The following TMED8 variants were observed in gnomAD, a reference collection of about 807,000 sequenced individuals.
TMED8 encodes protein TMED8.
In TMED8, 15 loss-of-function variants were observed where a neutral mutation model predicts 32.7. The ratio of observed to expected loss-of-function variants is 0.46; its 90% CI spans 0.31 to 0.71. The LOEUF (loss-of-function observed/expected upper bound fraction) is 0.71. Among genes scored for constraint, TMED8 ranks in the 30% least tolerant of loss-of-function variants. The pLI, the probability that TMED8 is intolerant of heterozygous loss-of-function variation, is 0.06. For missense variants in TMED8, 390 were observed against 423.9 expected, an observed-to-expected ratio of 0.92 and a Z score of 0.70; for synonymous variants, 147 against 161.4, an observed-to-expected ratio of 0.91 and a Z score of 0.68.
At chr14:77,364,711 C>CT (rs1893512020) in intron 1 of TMED8, among the ~76,000 whole-genome samples, 2 of 152,166 alleles carry the variant, frequency 1.3e-5, no homozygotes, top group South Asian at 2.1e-4. Flanking sequence ...TTATTTAAGC[C>CT]TTTTTTTACT....
chr14:77,342,015 C>T (rs1463712902), intron 5 of TMED8, 27 bp from the exon 6 acceptor site: 1 of 1,607,634 alleles, frequency 6.2e-7, no homozygotes, highest in Non-Finnish European at 8.5e-7. Flanking sequence ...GCAAAGTGTT[C>T]AGAGACTGCG....
Position 77,336,442 on chromosome 14 carries a change from G to A in TMED8, c.*5329C>T, listed in dbSNP as rs1354439198. 6.6e-6 allele frequency: 1 copy of A among 152,124 alleles called. No homozygotes were observed. Among genetic ancestry groups the A allele is most frequent in the African/African-American group, 2.4e-5 (1 of 41,426 alleles). The allele number at this position is 152,124 out of a possible 1,614,324, so 9.4% of individuals were successfully genotyped here. A position where few individuals can be genotyped will look rare whatever the true frequency, so the allele number is the denominator to read the frequency against. ...GTGTGAGGCATGCCTATTTGTAAAT[G>A]AGCTCCACTATCATTGGTTTTAGGC... On this transcript the variant is annotated 3_prime_UTR_variant, in exon 6 of 6. Transcript: ENST00000216468.
intron 1 of TMED8, among the ~76,000 whole-genome samples, chr14:77,356,034 G>T (rs185880887): frequency 6.6e-6 from 1 of 152,128 alleles, no homozygotes; most frequent in Non-Finnish European, 1.5e-5. Context: ...GAAAAACAAG[G>T]GGACCTCTGA....
At chr14:77,370,166 C>T (rs1015990715) in intron 1 of TMED8, among the ~76,000 whole-genome samples, 1 of 80,942 alleles carries the variant, frequency 1.2e-5, no homozygotes, top group Admixed American at 1.1e-4. Context: ...AGCGAGACTC[C>T]GTTTCAAAAA....
intron 2 of TMED8, among the ~76,000 whole-genome samples, chr14:77,347,611 G>A (rs1000423278): frequency 7.2e-5 from 11 of 152,166 alleles, no homozygotes; most frequent in African/African-American, 2.4e-4. Flanking sequence ...CATGTTGTTG[G>A]TCAGGCTGGT....
intron 1 of TMED8, among the ~76,000 whole-genome samples, chr14:77,361,632 T>C (rs1297319973): frequency 6.6e-6 from 1 of 152,234 alleles, no homozygotes; most frequent in African/African-American, 2.4e-5. Context: ...GGGATTGTGT[T>C]AAATCTGCAT....
chr14:77,346,750 T>C (rs1222226540), intron 2 of TMED8, among the ~76,000 whole-genome samples: 2 of 138,952 alleles, frequency 1.4e-5, no homozygotes, highest in Non-Finnish European at 3.1e-5. Flanking sequence ...TGAGATGGAC[T>C]GCTGGTCTGG....
intron 1 of TMED8, among the ~76,000 whole-genome samples, chr14:77,366,422 C>G (rs890654580): frequency 2.0e-5 from 3 of 152,216 alleles, no homozygotes; most frequent in Non-Finnish European, 4.4e-5. Context: ...CAGAATTCAT[C>G]TAGTGGCAGC....
intron 1 of TMED8, among the ~76,000 whole-genome samples, chr14:77,368,666 A>C (rs772278467): frequency 2.0e-5 from 3 of 152,042 alleles, no homozygotes; most frequent in Non-Finnish European, 4.4e-5. Flanking sequence ...TAGTAGAGAC[A>C]GGGTTTCACC....
rs1412243657 is a variant in TMED8, at chr14:77,376,239, G to A, written c.118+697C>T. On this transcript the variant is annotated intron_variant, in intron 1 of 5. Coordinates refer to ENST00000216468, the MANE Select transcript of TMED8 (RefSeq NM_213601.3). This position sits in a 1 kb window ranked among gnomAD's most constrained non-coding sequence, Gnocchi z 4.0. ...TAGTAGAAATGGAGACGTCGTCCTG[G>A]ACAAGAAGAGGATGAGGGTCTTGAG... Among the ~76,000 whole-genome samples, 1 of 152,194 alleles carries A rather than the reference G, an allele frequency of 6.6e-6. No individual in the cohort carries two copies. Among genetic ancestry groups the A allele is most frequent in the Admixed American group, 6.5e-5 (1 of 15,280 alleles).
intron 1 of TMED8, among the ~76,000 whole-genome samples, chr14:77,355,745 C>T (rs373303395): frequency 6.6e-6 from 1 of 152,174 alleles, no homozygotes; most frequent in African/African-American, 2.4e-5. Flanking sequence ...GAACCTCCCC[C>T]CTCAACAGCC....
chr14:77,355,935 A>C (rs1221847984), intron 1 of TMED8, among the ~76,000 whole-genome samples: 2 of 152,208 alleles, frequency 1.3e-5, no homozygotes, highest in Non-Finnish European at 2.9e-5. Context: ...GCCTTTTGGG[A>C]GAAGCCTTCA....
intron 1 of TMED8, among the ~76,000 whole-genome samples, chr14:77,352,585 A>G (rs1239837204): frequency 6.6e-6 from 1 of 151,052 alleles, no homozygotes; most frequent in Non-Finnish European, 1.5e-5. Flanking sequence ...CTAAAAATAT[A>G]AAAATTAGCC....
intron 1 of TMED8, among the ~76,000 whole-genome samples, chr14:77,365,712 T>A: frequency 6.6e-6 from 1 of 152,194 alleles, no homozygotes; most frequent in East Asian, 1.9e-4. Flanking sequence ...CTGGAGAGAA[T>A]ATCCAAAGCA....
chr14:77,341,714 C>T lies in TMED8; in HGVS notation c.*57G>A. 6.4e-7 allele frequency: 1 copy of T among 1,572,796 alleles called. No individual in the cohort carries two copies. The highest frequency in any genetic ancestry group is 8.7e-7 in the Non-Finnish European group (1 of 1,144,214). On this transcript the variant is annotated 3_prime_UTR_variant, in exon 6 of 6. Coordinates refer to ENST00000216468, the MANE Select transcript of TMED8 (RefSeq NM_213601.3). ...TCTTGCCTATCCCAAACAAGAGGCA[C>T]CAGCTGGCAGCCTGCTTCAGCCAGC...
At chr14:77,373,332 A>T (rs1338649413) in intron 1 of TMED8, among the ~76,000 whole-genome samples, 2 of 151,954 alleles carry the variant, frequency 1.3e-5, no homozygotes, top group African/African-American at 4.8e-5. Context: ...AAACAAAAAA[A>T]CCTGCCTTTA....
At chr14:77,346,002 C>A (rs1002592540) in intron 3 of TMED8, among the ~76,000 whole-genome samples, 22 of 146,914 alleles carry the variant, frequency 1.5e-4, no homozygotes, top group Admixed American at 4.8e-4. Flanking sequence ...TCTGTGGAAT[C>A]TTTATCATAA....
rs370216168 is a variant in TMED8 at position 77,346,593 on chromosome 14, G to A, written c.198-115C>T. 2.6e-5 allele frequency: 36 copies of A among 1,361,656 alleles called. No individual in the cohort carries two copies. In the East Asian group the frequency reaches 8.1e-4, roughly 31 times the overall value. The allele number at this position is 1,361,656 out of a possible 1,614,324, so 84.3% of individuals were successfully genotyped here. On this transcript the variant is annotated intron_variant, in intron 2 of 5. Transcript: ENST00000216468. ...ATACCCCCTGCCCCACCTGCCCCTG[G>A]CATTTATTTAGCTCTACTGTCACCT...
Position 77,345,968 on chromosome 14 carries a change from C to CAA in TMED8, c.327+379_327+380dup, listed in dbSNP as rs370981070. On this transcript the variant is annotated intron_variant, in intron 3 of 5. Transcript: ENST00000216468. ...TGGGCGACAGAGGGAGACCCTGTCT[C>CAA]AAAAAAAAAAAAAAAAAAAAGCTTC... 0.011 allele frequency among the ~76,000 whole-genome samples: 867 copies of CAA among 76,278 alleles called. 68 individuals are homozygous for CAA. In the East Asian group the frequency reaches 0.18, roughly 16 times the overall value. 50.0% of individuals were successfully genotyped at this position (76,278 alleles called of 152,430 possible).
Sources: gnomAD v4.1 joint callset for allele counts (sites outside exome capture counted in the v4.1 genomes callset) on GRCh38, gnomAD v4.1.1 for gene constraint, Gnocchi (gnomAD v3.1) non-coding constraint, MANE v1.5 for transcripts, NCBI Gene and HGNC (gene_info 2026-07-23, HGNC 2026-07-21) for gene names.